The following ADAMTS16 variants were observed in gnomAD, a reference collection of about 807,000 sequenced individuals.
The protein encoded by ADAMTS16 is ADAM metallopeptidase with thrombospondin type 1 motif 16.
In ADAMTS16, 94 loss-of-function variants were observed where a neutral mutation model predicts 145.8. That is an observed-to-expected ratio of 0.64 (90% confidence interval 0.55 to 0.77). The LOEUF (loss-of-function observed/expected upper bound fraction) is 0.77, where lower values mean the gene tolerates loss of function less well. Among genes scored for constraint, ADAMTS16 ranks in the 30% least tolerant of loss-of-function variants. The probability of loss-of-function intolerance (pLI) is 0.00; values close to 1 mark genes in which losing one functional copy is unlikely to be tolerated. For missense variants in ADAMTS16, 1,585 were observed against 1,591.5 expected, an observed-to-expected ratio of 1.00 and a Z score of 0.07; for synonymous variants, 659 against 604.3, an observed-to-expected ratio of 1.09 and a Z score of -1.33.
At chr5:5,180,829 C>G (rs1735318245) in intron 3 of ADAMTS16, among the ~76,000 whole-genome samples, 1 of 152,088 alleles carries the variant, frequency 6.6e-6, no homozygotes, top group African/African-American at 2.4e-5. Flanking sequence ...ATCTCTATTT[C>G]CTCACCCATA....
chr5:5,271,380 G>GCCTGTGGCT (rs2058968663), intron 18 of ADAMTS16, among the ~76,000 whole-genome samples: 1 of 152,248 alleles, frequency 6.6e-6, no homozygotes, highest in African/African-American at 2.4e-5. Context: ...GAGCTGTGCA[G>GCCTGTGGCT]CCTGTGGCTC....
At chr5:5,291,721 G>A (rs1739329028) in intron 18 of ADAMTS16, among the ~76,000 whole-genome samples, 1 of 143,852 alleles carries the variant, frequency 7.0e-6, no homozygotes, top group South Asian at 2.3e-4. Flanking sequence ...GCCAGCCAGG[G>A]TCATGGACCA....
chr5:5,201,737 C>T (rs1735964008), intron 9 of ADAMTS16, among the ~76,000 whole-genome samples: 1 of 152,134 alleles, frequency 6.6e-6, no homozygotes, highest in African/African-American at 2.4e-5. Flanking sequence ...ACGAGATTAT[C>T]TGCCTTCCAA....
intron 13 of ADAMTS16, 33 bp from the exon 14 acceptor site, chr5:5,236,936 T>A (rs1737126647): frequency 1.3e-6 from 2 of 1,582,446 alleles, no homozygotes; most frequent in Non-Finnish European, 1.7e-6. Context: ...AGTATTTTTC[T>A]TATTTGTGTT....
Position 5,310,970 on chromosome 5 carries a change from G to T in ADAMTS16, c.3411+4242G>T, listed in dbSNP as rs950962720. ...CTAGCCCAGAGCCACGAGGACCAGA[G>T]ATATGTGAGCAGCAGGGGCTGGATC... On this transcript the variant is annotated intron_variant, in intron 21 of 22. Coordinates refer to ENST00000274181, the MANE Select transcript of ADAMTS16 (RefSeq NM_139056.4). The surrounding 1 kb of genome is among the most constrained non-coding windows in gnomAD (Gnocchi z 4.3). Among the ~76,000 whole-genome samples the T allele has an allele frequency of 2.6e-5, 4 of 152,148 alleles. No homozygotes were observed. The highest frequency in any genetic ancestry group is 5.9e-5 in the Non-Finnish European group (4 of 68,030).
At position 5,215,702 on chromosome 5, in the gene ADAMTS16, ATATATATATATGTGG is replaced by A. The variant is rs775440663; in HGVS notation, c.1605+6483_1605+6497del. On this transcript the variant is annotated intron_variant, in intron 10 of 22. Transcript: ENST00000274181. ...GGCTGAGTAGTATTCCATTACATAT[ATATATATATATGTGG>A]TATATATATATGTGGTATATATATA... 5.2e-3 allele frequency among the ~76,000 whole-genome samples: 647 copies of A among 125,080 alleles called. 7 individuals are homozygous for A. Among genetic ancestry groups the A allele is most frequent in the African/African-American group, 0.021 (587 of 28,074 alleles). The allele number at this position is 125,080 out of a possible 152,430, so 82.1% of individuals were successfully genotyped here.
chr5:5,195,724 A>T (rs974798239), intron 8 of ADAMTS16, among the ~76,000 whole-genome samples: 2 of 152,202 alleles, frequency 1.3e-5, no homozygotes, highest in African/African-American at 4.8e-5. Context: ...TGTCTCTTGC[A>T]TTTCCCCAAG....
chr5:5,170,073 G>A (rs1297549138), intron 3 of ADAMTS16, among the ~76,000 whole-genome samples: 1 of 152,144 alleles, frequency 6.6e-6, no homozygotes, highest in Non-Finnish European at 1.5e-5. Context: ...TTAGGAATAG[G>A]ATTGCTGAAT....
chr5:5,210,359 A>G (rs919628271), intron 10 of ADAMTS16, among the ~76,000 whole-genome samples: 2 of 152,208 alleles, frequency 1.3e-5, no homozygotes, highest in Admixed American at 6.5e-5. Context: ...TTTGGAAAAC[A>G]TAGGCAATGA....
At chr5:5,185,919 C>T in intron 4 of ADAMTS16, 133 bp from the exon 5 acceptor site, 2 of 728,210 alleles carry the variant, frequency 2.7e-6, no homozygotes, top group Non-Finnish European at 4.7e-6. Flanking sequence ...TTCTGCATCA[C>T]AAGGTTTTAA....
At chr5:5,202,743 T>C (rs1276191348) in intron 9 of ADAMTS16, among the ~76,000 whole-genome samples, 2 of 152,212 alleles carry the variant, frequency 1.3e-5, no homozygotes, top group African/African-American at 4.8e-5. Context: ...GTAACACTTT[T>C]TCTATTTTGA....
chr5:5,194,346 A>T (rs1281781919), intron 8 of ADAMTS16, among the ~76,000 whole-genome samples: 1 of 152,214 alleles, frequency 6.6e-6, no homozygotes. Context: ...AGTAACGGTA[A>T]TGATAATAGT....
intron 3 of ADAMTS16, among the ~76,000 whole-genome samples, chr5:5,163,366 G>A (rs542510977): frequency 2.0e-5 from 3 of 152,226 alleles, no homozygotes; most frequent in South Asian, 4.1e-4. Context: ...TGTGGTTACC[G>A]CATCATCTGA....
chr5:5,303,493 G>A (rs777874024), intron 19 of ADAMTS16, 24 bp downstream of exon 19: 22 of 1,607,904 alleles, frequency 1.4e-5, no homozygotes, highest in Non-Finnish European at 8.5e-7. Flanking sequence ...GGTTGGCATG[G>A]GTGGCAGCAG....
chr5:5,304,880 C>T (rs1220893567), intron 20 of ADAMTS16, among the ~76,000 whole-genome samples: 3 of 151,842 alleles, frequency 2.0e-5, no homozygotes, highest in African/African-American at 7.3e-5. Flanking sequence ...AGAAAATAAG[C>T]GATGTGGGCT....
At chr5:5,182,632 T>C (rs749574825) in intron 4 of ADAMTS16, among the ~76,000 whole-genome samples, 8 of 152,184 alleles carry the variant, frequency 5.3e-5, no homozygotes, top group African/African-American at 4.8e-5. Context: ...AGTCATTCTA[T>C]ATTTTTGAGG....
intron 3 of ADAMTS16, among the ~76,000 whole-genome samples, chr5:5,163,604 T>A (rs1734794246): frequency 6.6e-6 from 1 of 152,192 alleles, no homozygotes; most frequent in African/African-American, 2.4e-5. Flanking sequence ...CAAATTATCA[T>A]CCTCAGGCCC....
intron 3 of ADAMTS16, among the ~76,000 whole-genome samples, chr5:5,174,038 T>A (rs1045975705): frequency 2.6e-5 from 4 of 152,262 alleles, no homozygotes; most frequent in Non-Finnish European, 4.4e-5. Context: ...CTATTTCTAG[T>A]GAGTTTTCTA....
chr5:5,286,027 G>C (rs993474023), intron 18 of ADAMTS16, among the ~76,000 whole-genome samples: 1 of 152,042 alleles, frequency 6.6e-6, no homozygotes, highest in Non-Finnish European at 1.5e-5. Flanking sequence ...TCACAACACT[G>C]CCTAAACTAC....
Sources: allele counts gnomAD v4.1 joint callset (sites outside exome capture counted in the v4.1 genomes callset), GRCh38; gene constraint gnomAD v4.1.1; non-coding constraint Gnocchi (gnomAD v3.1); transcripts MANE v1.5; gene names NCBI Gene and HGNC (gene_info 2026-07-23, HGNC 2026-07-21).